The following PDCD2L variants were observed in gnomAD, a reference collection of about 807,000 sequenced individuals.
PDCD2L encodes the protein programmed cell death 2 like.
Under a neutral mutation model 40.4 loss-of-function variants are expected in PDCD2L, and 44 were observed. The ratio of observed to expected loss-of-function variants is 1.09; its 90% CI spans 0.86 to 1.40. PDCD2L has a LOEUF of 1.40. Among genes scored for constraint, PDCD2L ranks in the 40% most tolerant of loss-of-function variants. PDCD2L has a pLI of 0.00. For missense variants in PDCD2L, 470 were observed against 453.7 expected (o/e 1.04, Z -0.33); for synonymous variants, 194 against 174.6 (o/e 1.11, Z -0.88).
Position 34,415,838 on chromosome 19 carries a change from G to C in PDCD2L, c.797+1991G>C, listed in dbSNP as rs145748268. ...AGTTATCTTTGCAGAGAAAGGTACA[G>C]AAATTTCCGGCATGGTTAAGTGCAA... On this transcript the variant is annotated intron_variant, in intron 5 of 6. Coordinates refer to ENST00000246535, the MANE Select transcript of PDCD2L (RefSeq NM_032346.2). Among the ~76,000 whole-genome samples the C allele has an allele frequency of 2.6e-5, 4 of 152,288 alleles. No homozygotes were observed. In the East Asian group the frequency reaches 7.7e-4, roughly 29 times the overall value.
In PDCD2L at chr19:34,421,606, A is replaced by G. The variant is rs1395787305; in HGVS notation, c.885A>G (p.Gln295=). The G allele has an allele frequency of 1.9e-6, 3 of 1,613,988 alleles. No individual in the cohort carries two copies. Among genetic ancestry groups the G allele is most frequent in the South Asian group, 2.2e-5 (2 of 91,080 alleles). ...CAGCCTGCAGCCAGTGTGGAGGCCA[A>G]AGGATATTTGAGTTTCAGCTTATGC... The part of the protein sequence containing the change: ...ELPACSQCGG[Q]RIFEFQLMPA... Residue 295 remains glutamine (Q), a synonymous_variant, in exon 6 of 7, where the codon CAA becomes CAG. Transcript: ENST00000246535.
chr19:34,409,519 G>A lies in PDCD2L; in HGVS notation c.686+9G>A. 2.5e-6 allele frequency: 4 copies of A among 1,607,774 alleles called. No individual in the cohort carries two copies. Among genetic ancestry groups the A allele is most frequent in the Middle Eastern group, 1.8e-4 (1 of 5,528 alleles). On this transcript the variant is annotated intron_variant, in intron 4 of 6. Coordinates refer to ENST00000246535, the MANE Select transcript of PDCD2L (RefSeq NM_032346.2). The stretch of plus-strand genomic sequence containing the variant: ...CAGTTGCTTTCCCAAAGGTGAGGAT[G>A]TGTGCTGCTGAGGTTGAGAGGTGAC...
chr19:34,410,987 G>A (rs1790130610), intron 4 of PDCD2L, among the ~76,000 whole-genome samples: 1 of 151,380 alleles, frequency 6.6e-6, no homozygotes, highest in African/African-American at 2.4e-5. Context: ...GTTTCACCAT[G>A]TTGACCAGGA....
chr19:34,415,605 C>T (rs1241370195), intron 5 of PDCD2L, among the ~76,000 whole-genome samples: 1 of 152,030 alleles, frequency 6.6e-6, no homozygotes, highest in East Asian at 1.9e-4. Flanking sequence ...GGTCTTTTTC[C>T]CCGATACCTA....
At chr19:34,417,761 A>G (rs2075132589) in intron 5 of PDCD2L, among the ~76,000 whole-genome samples, 1 of 152,252 alleles carries the variant, frequency 6.6e-6, no homozygotes, top group Non-Finnish European at 1.5e-5. Flanking sequence ...GGGTTGATAA[A>G]TATATTTACT....
intron 3 of PDCD2L, among the ~76,000 whole-genome samples, chr19:34,407,866 C>T (rs2075084088): frequency 6.6e-6 from 1 of 152,190 alleles, no homozygotes; most frequent in Non-Finnish European, 1.5e-5. Flanking sequence ...CTGCAGAACA[C>T]AATTTAGCCT....
In PDCD2L at chr19:34,413,817, G is replaced by T. The variant is rs147826121; in HGVS notation, c.767G>T (p.Arg256Leu). 3 of 1,604,530 alleles carry T rather than the reference G, an allele frequency of 1.9e-6. No individual in the cohort carries two copies. Among genetic ancestry groups the T allele is most frequent in the Non-Finnish European group, 2.6e-6 (3 of 1,173,530 alleles). Residue 256 changes from arginine to leucine, a missense_variant, in exon 5 of 7, where the codon CGA becomes CTA. Coordinates refer to ENST00000246535, the MANE Select transcript of PDCD2L (RefSeq NM_032346.2). The stretch of plus-strand genomic sequence containing the variant: ...CAGACGTTTTACAAATTCATGAAGC[G>T]AATTGCTGCTTGTCAGGAGCAGATT... ...GDQTFYKFMK[R>L]IAACQEQILR...
intron 5 of PDCD2L, among the ~76,000 whole-genome samples, chr19:34,420,453 T>C (rs1167041044): frequency 6.6e-6 from 1 of 152,122 alleles, no homozygotes; most frequent in African/African-American, 2.4e-5. Context: ...GTTTAGTAAC[T>C]TTTAAAATGA....
Position 34,409,501 on chromosome 19 carries a change from T to C in PDCD2L, c.677T>C (p.Leu226Pro). ...GAAGGCATTGCCATGGATCAGTTGCTTTCCCAAAGGTGAGGATGTGTGCTG... is the reference window on the plus strand; with the variant it reads ...GAAGGCATTGCCATGGATCAGTTGCCTTCCCAAAGGTGAGGATGTGTGCTG... The part of the protein sequence containing the change: ...QREGIAMDQL[L>P]SQSLPNDGDE... The change falls in exon 4 of 7, where the codon CTT (leucine) becomes CCT (proline). Residue 226 changes from leucine to proline, a missense_variant. Leu to Pro is a moderately conservative substitution (Grantham distance 98). Transcript: ENST00000246535. 6.2e-7 allele frequency: 1 copy of C among 1,613,504 alleles called. No individual in the cohort carries two copies. The highest frequency in any genetic ancestry group is 8.5e-7 in the Non-Finnish European group (1 of 1,179,708).
intron 3 of PDCD2L, among the ~76,000 whole-genome samples, chr19:34,405,655 C>T (rs1455230334): frequency 6.6e-6 from 1 of 150,434 alleles, no homozygotes; most frequent in African/African-American, 2.4e-5. Flanking sequence ...AATCCCAGCA[C>T]TTTGGGAGGC....
chr19:34,420,498 T>C (rs2075145549), intron 5 of PDCD2L, among the ~76,000 whole-genome samples: 1 of 152,022 alleles, frequency 6.6e-6, no homozygotes, highest in Non-Finnish European at 1.5e-5. Flanking sequence ...AACAGTAATA[T>C]TGAAGTGAGC....
chr19:34,424,572 C>A (rs939812500), intron 6 of PDCD2L, among the ~76,000 whole-genome samples: 1 of 152,108 alleles, frequency 6.6e-6, no homozygotes, highest in Non-Finnish European at 1.5e-5. Flanking sequence ...TCTCTTGTTT[C>A]TTCCCTTGGG....
Position 34,421,675 on chromosome 19 carries a change from G to C in PDCD2L, c.946+8G>C. The C allele has an allele frequency of 1.3e-6, 2 of 1,587,542 alleles. No individual in the cohort carries two copies. Among genetic ancestry groups the C allele is most frequent in the South Asian group, 2.3e-5 (2 of 85,634 alleles). ...TCAAGAGTGCTAATTTAGGTGAGAAGCCCTTTATTAATTTGAGTTTGTGGA... is the reference window on the plus strand; with the variant it reads ...TCAAGAGTGCTAATTTAGGTGAGAACCCCTTTATTAATTTGAGTTTGTGGA... On this transcript the variant is annotated splice_region_variant and intron_variant, in intron 6 of 6. Coordinates refer to ENST00000246535, the MANE Select transcript of PDCD2L (RefSeq NM_032346.2).
chr19:34,416,257 A>T (rs1356355432), intron 5 of PDCD2L, among the ~76,000 whole-genome samples: 5 of 152,222 alleles, frequency 3.3e-5, no homozygotes, highest in Admixed American at 2.6e-4. Flanking sequence ...GTCTGGAAGG[A>T]AGCACACAGG....
intron 3 of PDCD2L, among the ~76,000 whole-genome samples, chr19:34,408,230 C>T (rs1362468725): frequency 1.3e-5 from 2 of 152,170 alleles, no homozygotes; most frequent in African/African-American, 4.8e-5. Context: ...TTGATGTTTG[C>T]TAGGCATAGT....
rs753278883 is a variant in PDCD2L at position 34,404,639 on chromosome 19, G to A, written c.109-10G>A. On this transcript the variant is annotated splice_polypyrimidine_tract_variant and intron_variant, in intron 1 of 6. Transcript: ENST00000246535. The stretch of plus-strand genomic sequence containing the variant: ...GAGTCGGGGTCTGAGCGCCTCCTCT[G>A]TCCCCTCAGGATGCTCTGCCCACCG... The A allele has an allele frequency of 6.2e-6, 10 of 1,608,978 alleles. No homozygotes were observed. Among genetic ancestry groups the A allele is most frequent in the Admixed American group, 1.7e-5 (1 of 59,918 alleles).
In PDCD2L at chr19:34,412,608, C is replaced by T. The variant is rs192559694; in HGVS notation, c.687-1129C>T. ...TGGCGCACACTTGCAATCCCAGCTACTCAGGAGGCTGAGGCAGGAGAATTG... is the reference window on the plus strand; with the variant it reads ...TGGCGCACACTTGCAATCCCAGCTATTCAGGAGGCTGAGGCAGGAGAATTG... On this transcript the variant is annotated intron_variant, in intron 4 of 6. Transcript: ENST00000246535. 3.2e-4 allele frequency among the ~76,000 whole-genome samples: 48 copies of T among 151,804 alleles called. 1 individual carries two copies. The East Asian group carries it at 8.8e-3, about 28-fold the overall frequency.
chr19:34,414,805 T>C (rs973579998), intron 5 of PDCD2L, among the ~76,000 whole-genome samples: 41 of 151,982 alleles, frequency 2.7e-4, no homozygotes, highest in Non-Finnish European at 4.6e-4. Flanking sequence ...ATTATTATTA[T>C]TAAAAAAATA....
chr19:34,420,981 A>C (rs1331163927), intron 5 of PDCD2L, among the ~76,000 whole-genome samples: 4 of 152,188 alleles, frequency 2.6e-5, no homozygotes, highest in Admixed American at 1.3e-4. Context: ...GATTCTCAGA[A>C]GGAGCACACA....
Sources: allele counts gnomAD v4.1 joint callset (sites outside exome capture counted in the v4.1 genomes callset), GRCh38; gene constraint gnomAD v4.1.1; transcripts MANE v1.5; gene names NCBI Gene and HGNC (gene_info 2026-07-23, HGNC 2026-07-21).